Variants in NEXMIF observed in about 807,000 individuals in gnomAD.
NEXMIF encodes neurite extension and migration factor.
In NEXMIF, 8 loss-of-function variants were observed where a neutral mutation model predicts 62.1. The ratio of observed to expected loss-of-function variants is 0.13; its 90% confidence interval spans 0.08 to 0.23. The LOEUF is 0.23. Among genes scored for constraint, NEXMIF ranks in the 10% least tolerant of loss-of-function variants. NEXMIF has a pLI of 1.00. For synonymous variants in NEXMIF, 404 were observed against 416.6 expected (o/e 0.97, Z 0.37); for missense variants, 976 against 1,113.3 (o/e 0.88, Z 1.75).
At chrX:74,886,114 A>T (rs749489289) in intron 1 of NEXMIF, among the ~76,000 whole-genome samples, 20 of 111,881 alleles carry the variant, frequency 1.8e-4, no homozygotes, top group African/African-American at 6.2e-4. Context: ...CATGCTAAAA[A>T]CTCTCAATAA....
intron 1 of NEXMIF, among the ~76,000 whole-genome samples, chrX:74,862,583 G>T (rs147368765): frequency 0.014 from 1,505 of 111,481 alleles, 21 homozygotes; most frequent in South Asian, 0.036. Context: ...TCACATAAAT[G>T]AAAGTAAAAA....
rs1233151090 is a variant in NEXMIF at position 74,736,964 on chromosome X, G to T, written c.*2441C>A. On this transcript the variant is annotated 3_prime_UTR_variant, in exon 4 of 4. Transcript: ENST00000055682. ...GATAGCAAGTTCTCACAAGGAAATT[G>T]TTTCCAACAGTTTCAGGCTGTCCTA... 2 of 111,706 alleles carry T rather than the reference G, an allele frequency of 1.8e-5. No individual in the cohort carries two copies. Among genetic ancestry groups the T allele is most frequent in the Admixed American group, 1.9e-4 (2 of 10,471 alleles). 9.2% of individuals were successfully genotyped at this position (111,706 alleles called of 1,213,427 possible). A position where few individuals can be genotyped will look rare whatever the true frequency, so the allele number is the denominator to read the frequency against.
intron 1 of NEXMIF, among the ~76,000 whole-genome samples, chrX:74,824,748 A>C (rs1317033274): frequency 1.8e-5 from 2 of 108,442 alleles, no homozygotes; most frequent in East Asian, 2.9e-4. Flanking sequence ...TCCCGGATTC[A>C]CGCCATTCTC....
rs1047862196 is a variant in NEXMIF at position 74,840,948 on chromosome X, T to C, written c.-48+83935A>G. 9.8e-5 allele frequency among the ~76,000 whole-genome samples: 11 copies of C among 112,159 alleles called. No individual in the cohort carries two copies. In the Admixed American group the frequency reaches 1.0e-3, roughly 11 times the overall value. ...CAGGTTTGTTCTTCTTGCTTAGTATTGTCTTGGATATTCAGGCTCTATTTT... is the reference window on the plus strand; with the variant it reads ...CAGGTTTGTTCTTCTTGCTTAGTATCGTCTTGGATATTCAGGCTCTATTTT... On this transcript the variant is annotated intron_variant, in intron 1 of 3. Transcript: ENST00000055682.
chrX:74,768,692 G>A (rs189557349), intron 1 of NEXMIF, among the ~76,000 whole-genome samples: 32 of 112,047 alleles, frequency 2.9e-4, no homozygotes, highest in African/African-American at 1.0e-3. Flanking sequence ...CAAAACTTCA[G>A]CAACATTAAA....
chrX:74,807,091 A>G (rs2080347166), intron 1 of NEXMIF, among the ~76,000 whole-genome samples: 1 of 112,006 alleles, frequency 8.9e-6, no homozygotes, highest in East Asian at 2.8e-4. Flanking sequence ...ACTTACTGGG[A>G]TTTTTATTTG....
At chrX:74,780,007 T>C (rs930239625) in intron 1 of NEXMIF, among the ~76,000 whole-genome samples, 1 of 112,027 alleles carries the variant, frequency 8.9e-6, no homozygotes, top group Non-Finnish European at 1.9e-5. Flanking sequence ...AATTATCATT[T>C]AAGTTTGTTA....
chrX:74,768,156 G>C (rs1373431757), intron 1 of NEXMIF, among the ~76,000 whole-genome samples: 1 of 111,266 alleles, frequency 9.0e-6, no homozygotes, highest in African/African-American at 3.3e-5. Flanking sequence ...TGACCCAAGG[G>C]TTGCAAAGAT....
At chrX:74,809,107 GAGC>G (rs2080353387) in intron 1 of NEXMIF, among the ~76,000 whole-genome samples, 1 of 111,351 alleles carries the variant, frequency 9.0e-6, no homozygotes, top group Non-Finnish European at 1.9e-5. Context: ...CCTCACCAGA[GAGC>G]AGCACCTTGA....
chrX:74,882,593 T>G (rs1055889836), intron 1 of NEXMIF, among the ~76,000 whole-genome samples: 1 of 111,473 alleles, frequency 9.0e-6, no homozygotes, highest in South Asian at 3.8e-4. Flanking sequence ...GCAGTGAGGT[T>G]GGGGGAGGGG....
intron 1 of NEXMIF, among the ~76,000 whole-genome samples, chrX:74,869,358 T>C (rs2147503526): frequency 9.0e-6 from 1 of 111,607 alleles, no homozygotes; most frequent in South Asian, 3.7e-4. Flanking sequence ...AGACCAAAAG[T>C]TAGTATCATA....
chrX:74,743,055 C>T lies in NEXMIF; in HGVS notation c.1502G>A (p.Gly501Asp), dbSNP rs1460193237. Residue 501 changes from glycine (G) to aspartate (D), a missense_variant, in exon 3 of 4, where the codon GGT becomes GAT. By Grantham distance (94) the Gly-to-Asp change is moderately conservative. Transcript: ENST00000055682. ...TTCCTTCCTCTCATTTACTTTTTCA[C>T]CCTCTAGTGAGTCAACATCATATAG... Reference protein sequence around the residue: ...DYLYDVDSLEGEKVNERKEWL... With the variant: ...DYLYDVDSLEDEKVNERKEWL... 2 of 1,210,249 alleles carry T rather than the reference C, an allele frequency of 1.7e-6. No homozygotes were observed.
At chrX:74,845,831 TA>T (rs1338025517) in intron 1 of NEXMIF, among the ~76,000 whole-genome samples, 7 of 110,511 alleles carry the variant, frequency 6.3e-5, no homozygotes, top group Non-Finnish European at 1.3e-4. Context: ...CCCCAAGCCC[TA>T]ATTATAACCT....
chrX:74,782,265 A>G (rs774616498), intron 1 of NEXMIF, among the ~76,000 whole-genome samples: 2 of 112,036 alleles, frequency 1.8e-5, no homozygotes, highest in East Asian at 5.6e-4. Context: ...ACCATGAAAA[A>G]GAGTTCTGAA....
intron 1 of NEXMIF, among the ~76,000 whole-genome samples, chrX:74,844,689 C>T (rs768208468): frequency 1.8e-5 from 2 of 111,797 alleles, no homozygotes; most frequent in South Asian, 3.8e-4. Context: ...AATAACAAAT[C>T]GTCTCTATAC....
intron 1 of NEXMIF, among the ~76,000 whole-genome samples, chrX:74,784,806 T>C (rs1465011733): frequency 1.8e-5 from 2 of 110,766 alleles, no homozygotes; most frequent in East Asian, 2.8e-4. Flanking sequence ...AAGGGCATTG[T>C]GTATGCCCTT....
At chrX:74,886,177 C>T (rs1193879779) in intron 1 of NEXMIF, among the ~76,000 whole-genome samples, 40 of 111,558 alleles carry the variant, frequency 3.6e-4, no homozygotes, top group Non-Finnish European at 6.4e-4. Flanking sequence ...CTATGACAAA[C>T]CCACAGCCAA....
chrX:74,832,873 T>C (rs1602243547), intron 1 of NEXMIF, among the ~76,000 whole-genome samples: 1 of 111,580 alleles, frequency 9.0e-6, no homozygotes. Flanking sequence ...TTTCACTGAC[T>C]CACTGGTCAT....
intron 1 of NEXMIF, among the ~76,000 whole-genome samples, chrX:74,766,462 T>C (rs964751478): frequency 8.9e-6 from 1 of 112,205 alleles, no homozygotes; most frequent in Non-Finnish European, 1.9e-5. Flanking sequence ...ATTTTTGTCT[T>C]ATTTCAGAGA....
Sources: allele counts gnomAD v4.1 joint callset (sites outside exome capture counted in the v4.1 genomes callset), GRCh38; gene constraint gnomAD v4.1.1; transcripts MANE v1.5; gene names NCBI Gene and HGNC (gene_info 2026-07-23, HGNC 2026-07-21).